The following CACNB2 variants were observed in gnomAD, a reference collection of about 807,000 sequenced individuals.
CACNB2 encodes the protein voltage-dependent L-type calcium channel subunit beta-2.
CACNB2 carries 42 observed loss-of-function variants against 73.3 expected under a neutral mutation model. That is an observed-to-expected ratio of 0.57 (90% CI 0.45 to 0.74). The LOEUF (loss-of-function observed/expected upper bound fraction) is 0.74, where lower values mean the gene tolerates loss of function less well. Among genes scored for constraint, CACNB2 ranks in the 30% least tolerant of loss-of-function variants. CACNB2 has a pLI of 0.00. For missense variants in CACNB2, 940 were observed against 853.0 expected (o/e 1.10, Z -1.27); for synonymous variants, 348 against 310.3 (o/e 1.12, Z -1.28).
At chr10:18,429,094 A>G (rs1320201883) in intron 3 of CACNB2, among the ~76,000 whole-genome samples, 2 of 152,194 alleles carry the variant, frequency 1.3e-5, no homozygotes, top group African/African-American at 4.8e-5. Flanking sequence ...AGTTTCTTTC[A>G]TGAGAAGATT....
chr10:18,172,068 A>G (rs911274015), intron 2 of CACNB2, among the ~76,000 whole-genome samples: 3 of 152,202 alleles, frequency 2.0e-5, no homozygotes, highest in African/African-American at 4.8e-5. Context: ...GGCATGTTTC[A>G]AGGGCAAAAA....
intron 2 of CACNB2, among the ~76,000 whole-genome samples, chr10:18,278,828 G>A (rs2038412184): frequency 6.6e-6 from 1 of 151,942 alleles, no homozygotes; most frequent in African/African-American, 2.4e-5. Context: ...CCAGCCTGGG[G>A]AACATGATGA....
At chr10:18,475,655 CA>C (rs1419076238) in intron 3 of CACNB2, among the ~76,000 whole-genome samples, 18 of 152,098 alleles carry the variant, frequency 1.2e-4, no homozygotes, top group Non-Finnish European at 1.5e-5. Context: ...CAAATCATAC[CA>C]GTACTAAACT....
chr10:18,311,150 C>T lies in CACNB2; in HGVS notation c.214-90774C>T, dbSNP rs902630963. Among the ~76,000 whole-genome samples the T allele has an allele frequency of 3.9e-5, 6 of 152,090 alleles. No individual in the cohort carries two copies. The East Asian group carries it at 9.7e-4, about 24-fold the overall frequency. The stretch of plus-strand genomic sequence containing the variant: ...TTAAGTTCCTTGTATTTTTGTTTCC[C>T]TGAAATTGGTTTATCTGCTTATTTT... On this transcript the variant is annotated intron_variant, in intron 2 of 13. Transcript: ENST00000324631.
intron 2 of CACNB2, among the ~76,000 whole-genome samples, chr10:18,208,233 G>A (rs956298082): frequency 4.6e-5 from 7 of 152,180 alleles, no homozygotes; most frequent in Non-Finnish European, 7.3e-5. Flanking sequence ...TTGGGAGGCT[G>A]AGGCTGGAGG....
chr10:18,159,911 A>T (rs997019426), intron 2 of CACNB2, among the ~76,000 whole-genome samples: 2 of 152,128 alleles, frequency 1.3e-5, no homozygotes, highest in African/African-American at 4.8e-5. Context: ...TTTTTATCTT[A>T]TTATGGAGTC....
At chr10:18,181,432 G>A (rs915315828) in intron 2 of CACNB2, among the ~76,000 whole-genome samples, 1 of 152,076 alleles carries the variant, frequency 6.6e-6, no homozygotes, top group Non-Finnish European at 1.5e-5. Context: ...TGCCCGTAAG[G>A]AACTTGGTAC....
chr10:18,292,453 C>G (rs758087223), intron 2 of CACNB2, among the ~76,000 whole-genome samples: 1 of 152,120 alleles, frequency 6.6e-6, no homozygotes, highest in Non-Finnish European at 1.5e-5. Flanking sequence ...GTCAAGAGTT[C>G]GAGACCAGCC....
At chr10:18,480,506 C>CAGAGCA (rs879370633) in intron 3 of CACNB2, among the ~76,000 whole-genome samples, 2 of 152,190 alleles carry the variant, frequency 1.3e-5, no homozygotes, top group Non-Finnish European at 2.9e-5. Context: ...AATAGCCTCA[C>CAGAGCA]AGAGCAAAAT....
intron 3 of CACNB2, among the ~76,000 whole-genome samples, chr10:18,404,167 T>G (rs2132556054): frequency 6.6e-6 from 1 of 152,224 alleles, no homozygotes; most frequent in East Asian, 1.9e-4. Flanking sequence ...TAAAATTAGG[T>G]CAATATTTTA....
At chr10:18,443,502 A>G (rs1210737125) in intron 3 of CACNB2, among the ~76,000 whole-genome samples, 2 of 152,152 alleles carry the variant, frequency 1.3e-5, no homozygotes, top group African/African-American at 4.8e-5. Context: ...CCTGAGAGGC[A>G]TAAGGGGAAA....
At chr10:18,531,877 T>A (rs2053067529) in intron 10 of CACNB2, 1 of 152,154 alleles carries the variant, frequency 6.6e-6, no homozygotes, top group Middle Eastern at 3.2e-3. Flanking sequence ...TCAGTGGGTA[T>A]AAGAAACTGT....
intron 2 of CACNB2, among the ~76,000 whole-genome samples, chr10:18,276,126 T>A (rs1310894191): frequency 6.6e-6 from 1 of 152,228 alleles, no homozygotes; most frequent in Non-Finnish European, 1.5e-5. Context: ...AATTTCAGTT[T>A]CACATGATAT....
chr10:18,429,070 G>T (rs568637854), intron 3 of CACNB2, among the ~76,000 whole-genome samples: 1 of 152,160 alleles, frequency 6.6e-6, no homozygotes, highest in South Asian at 2.1e-4. Context: ...TGTTCTTGAA[G>T]CTTGTCATTG....
At chr10:18,443,017 T>A (rs1295059668) in intron 3 of CACNB2, among the ~76,000 whole-genome samples, 1 of 57,282 alleles carries the variant, frequency 1.7e-5, no homozygotes, top group African/African-American at 5.6e-5. Context: ...TATATATGTA[T>A]ATATATATAT....
chr10:18,219,097 C>G (rs755081439), intron 2 of CACNB2, among the ~76,000 whole-genome samples: 4 of 152,048 alleles, frequency 2.6e-5, no homozygotes, highest in Non-Finnish European at 4.4e-5. Context: ...CCTGGGAGGT[C>G]GAGGCTCCAG....
chr10:18,173,806 T>C (rs965193307), intron 2 of CACNB2, among the ~76,000 whole-genome samples: 2 of 152,238 alleles, frequency 1.3e-5, no homozygotes, highest in African/African-American at 4.8e-5. Context: ...GCTGTGTCTG[T>C]TATATTTTTG....
chr10:18,196,255 T>A (rs1165577652), intron 2 of CACNB2, among the ~76,000 whole-genome samples: 1 of 152,046 alleles, frequency 6.6e-6, no homozygotes, highest in Non-Finnish European at 1.5e-5. Flanking sequence ...ACTACTAAGC[T>A]GTTTAACAAT....
rs2053922748 is a variant in CACNB2 at position 18,539,371 on chromosome 10, G to A, written c.1630G>A (p.Gly544Arg). The change falls in exon 14 of 14, where the codon GGG becomes AGG. Residue 544 changes from glycine (G) to arginine (R), a missense_variant. Transcript: ENST00000324631. ...SSAPHHNHRS[G>R]TSRGLSRQET... Reference sequence around the variant, plus strand: ...AGCCCCACACCACAACCATCGCAGTGGGACAAGTCGCGGCCTCTCCAGGCA... The same window carrying A: ...AGCCCCACACCACAACCATCGCAGTAGGACAAGTCGCGGCCTCTCCAGGCA... 1.5e-5 allele frequency: 24 copies of A among 1,614,082 alleles called. No homozygotes were observed. The highest frequency in any genetic ancestry group is 1.9e-5 in the Non-Finnish European group (23 of 1,180,010).
Sources: gnomAD v4.1 joint callset for allele counts (sites outside exome capture counted in the v4.1 genomes callset) on GRCh38, gnomAD v4.1.1 for gene constraint, MANE v1.5 for transcripts, NCBI Gene and HGNC (gene_info 2026-07-23, HGNC 2026-07-21) for gene names.